The following USP13 variants were observed in gnomAD, a reference collection of about 807,000 sequenced individuals.
The protein encoded by USP13 is ubiquitin carboxyl-terminal hydrolase 13.
Under a neutral mutation model 107.8 loss-of-function variants are expected in USP13, and 68 were observed. The ratio of observed to expected loss-of-function variants is 0.63; its 90% confidence interval spans 0.52 to 0.77. USP13 has a LOEUF of 0.77. Ranked by LOEUF, USP13 falls within the 30% of genes least tolerant of loss-of-function variation. The pLI is 0.00. For synonymous variants in USP13, 377 were observed against 389.5 expected (o/e 0.97, Z 0.38); for missense variants, 945 against 1,093.3 (o/e 0.86, Z 1.91).
chr3:179,760,282 G>GGTT (rs1412446401), intron 16 of USP13, among the ~76,000 whole-genome samples: 1 of 123,468 alleles, frequency 8.1e-6, no homozygotes, highest in African/African-American at 3.1e-5. Context: ...GTCTCTTAAT[G>GGTT]TTTTTTTTTT....
At position 179,721,706 on chromosome 3, in the gene USP13, T is replaced by C; in HGVS notation, c.1088+117T>C. ...ATTGCTTCAGGACATTTTGCCACCT[T>C]TTCTCTGGCCTGCCTTCTACAGAGA... On this transcript the variant is annotated intron_variant, in intron 8 of 20. Coordinates refer to ENST00000263966, the MANE Select transcript of USP13 (RefSeq NM_003940.3). The surrounding 1 kb of genome is among the most constrained non-coding windows in gnomAD (Gnocchi z 4.3). The C allele has an allele frequency of 8.9e-7, 1 of 1,121,278 alleles. No individual in the cohort carries two copies. The highest frequency in any genetic ancestry group is 2.6e-5 in the East Asian group (1 of 38,748). 69.5% of individuals were successfully genotyped at this position (1,121,278 alleles called of 1,614,324 possible). A position where few individuals can be genotyped will look rare whatever the true frequency, so the allele number is the denominator to read the frequency against.
chr3:179,657,820 C>CAA (rs1720322294), intron 1 of USP13, among the ~76,000 whole-genome samples: 1 of 150,362 alleles, frequency 6.7e-6, no homozygotes, highest in Non-Finnish European at 1.5e-5. Context: ...GTTGTAAGCC[C>CAA]AAGAGTCTGG....
intron 6 of USP13, among the ~76,000 whole-genome samples, chr3:179,716,568 C>T (rs925814779): frequency 1.3e-5 from 2 of 152,084 alleles, no homozygotes; most frequent in East Asian, 1.9e-4. Context: ...AAGGATGACC[C>T]GCGCCAGGCA....
chr3:179,698,871 A>AT (rs397688832), intron 3 of USP13, among the ~76,000 whole-genome samples: 98,011 of 144,470 alleles, frequency 0.68, 33,545 homozygotes, highest in Non-Finnish European at 0.73. Flanking sequence ...GTTGAATACT[A>AT]TTTTTTTTTT....
chr3:179,707,182 A>C (rs370651965), intron 5 of USP13, 106 bp downstream of exon 5: 1 of 1,359,836 alleles, frequency 7.4e-7, no homozygotes. Flanking sequence ...TTCTTACCAG[A>C]TGCCTTTTAT....
At chr3:179,761,359 A>G (rs1715005927) in intron 17 of USP13, 104 bp downstream of exon 17, 1 of 1,424,074 alleles carries the variant, frequency 7.0e-7, no homozygotes, top group Admixed American at 2.3e-5. Context: ...CTAGAAAATG[A>G]CTTTATAGTT....
chr3:179,726,207 A>G (rs1713510738), intron 8 of USP13, among the ~76,000 whole-genome samples: 2 of 152,210 alleles, frequency 1.3e-5, no homozygotes, highest in South Asian at 4.1e-4. Flanking sequence ...GTGAGGCAGC[A>G]TCCCAGGAAA....
At chr3:179,774,302 G>A (rs956209505) in intron 19 of USP13, among the ~76,000 whole-genome samples, 4 of 152,198 alleles carry the variant, frequency 2.6e-5, no homozygotes, top group Non-Finnish European at 1.5e-5. Context: ...TCCGGAATTG[G>A]TGGGTTCTTG....
intron 6 of USP13, among the ~76,000 whole-genome samples, chr3:179,709,500 G>T (rs1435172736): frequency 6.6e-6 from 1 of 152,206 alleles, no homozygotes; most frequent in East Asian, 1.9e-4. Flanking sequence ...TTCTCCGGGG[G>T]ATTAGAATTG....
At chr3:179,657,035 A>G (rs1478694695) in intron 1 of USP13, among the ~76,000 whole-genome samples, 1 of 152,228 alleles carries the variant, frequency 6.6e-6, no homozygotes, top group Non-Finnish European at 1.5e-5. Flanking sequence ...CGTGAAGGAG[A>G]GAGCCCAGAC....
Position 179,784,214 on chromosome 3 carries a change from GA to G in USP13, c.*75del. Reference sequence around the variant, plus strand: ...TTGCCAAAAAAAAAAAGAAGAAGAAGAAGTTGAAACAACTAGACATGAAGGA... The same window carrying G: ...TTGCCAAAAAAAAAAAGAAGAAGAAGAGTTGAAACAACTAGACATGAAGGA... On this transcript the variant is annotated 3_prime_UTR_variant, in exon 21 of 21. Transcript: ENST00000263966. 1 of 1,249,816 alleles carries G rather than the reference GA, an allele frequency of 8.0e-7. No homozygotes were observed. The highest frequency in any genetic ancestry group is 1.1e-6 in the Non-Finnish European group (1 of 878,370). 77.4% of individuals were successfully genotyped at this position (1,249,816 alleles called of 1,614,324 possible).
Position 179,678,924 on chromosome 3 carries a change from G to A in USP13, c.169-2954G>A, listed in dbSNP as rs115819046. ...TAGAATTTTCAATATGGCCTGTACT[G>A]TCATTAGGAAATAGAGACCACTTTA... On this transcript the variant is annotated intron_variant, in intron 1 of 20. Coordinates refer to ENST00000263966, the MANE Select transcript of USP13 (RefSeq NM_003940.3). The surrounding 1 kb of genome is among the most constrained non-coding windows in gnomAD (Gnocchi z 4.2). 5.2e-3 allele frequency among the ~76,000 whole-genome samples: 787 copies of A among 152,164 alleles called. 3 individuals carry two copies. Among genetic ancestry groups the A allele is most frequent in the Non-Finnish European group, 8.1e-3 (551 of 68,008 alleles).
At chr3:179,740,141 T>C in intron 10 of USP13, 106 bp from the exon 11 acceptor site, 1 of 1,503,902 alleles carries the variant, frequency 6.6e-7, no homozygotes, top group Non-Finnish European at 9.0e-7. Context: ...GGCTGTAGTT[T>C]TCTCATCTGG....
intron 19 of USP13, among the ~76,000 whole-genome samples, chr3:179,774,491 G>C (rs1400714439): frequency 6.6e-6 from 1 of 151,056 alleles, no homozygotes; most frequent in East Asian, 1.9e-4. Context: ...CACGGCAAGT[G>C]CTACAGCTCT....
chr3:179,711,020 T>C (rs980653085), intron 6 of USP13, among the ~76,000 whole-genome samples: 1 of 152,204 alleles, frequency 6.6e-6, no homozygotes, highest in South Asian at 2.1e-4. Flanking sequence ...CCTCGGACTT[T>C]AGTGTTCACT....
At chr3:179,752,143 T>C (rs1714634749) in intron 13 of USP13, 142 bp from the exon 14 acceptor site, 1 of 674,164 alleles carries the variant, frequency 1.5e-6, no homozygotes, top group African/African-American at 1.8e-5. Flanking sequence ...TCCACTTACA[T>C]GTCTGTGTTT....
At chr3:179,758,990 C>CT (rs1210246962) in intron 16 of USP13, among the ~76,000 whole-genome samples, 6 of 149,474 alleles carry the variant, frequency 4.0e-5, no homozygotes, top group East Asian at 4.0e-4. Flanking sequence ...TTACACATTT[C>CT]TTTTTTTTTG....
intron 20 of USP13, among the ~76,000 whole-genome samples, chr3:179,783,797 G>A (rs1715826753): frequency 1.3e-5 from 2 of 151,356 alleles, no homozygotes; most frequent in East Asian, 1.9e-4. Flanking sequence ...GAGCCCAGGA[G>A]TTCGAAGCTT....
At chr3:179,760,850 T>A (rs561603409) in intron 16 of USP13, among the ~76,000 whole-genome samples, 2 of 152,190 alleles carry the variant, frequency 1.3e-5, no homozygotes, top group Non-Finnish European at 2.9e-5. Flanking sequence ...TCTCCCCATA[T>A]GAAATTAGAG....
Sources: allele counts gnomAD v4.1 joint callset (sites outside exome capture counted in the v4.1 genomes callset), GRCh38; gene constraint gnomAD v4.1.1; non-coding constraint Gnocchi (gnomAD v3.1); transcripts MANE v1.5; gene names NCBI Gene and HGNC (gene_info 2026-07-23, HGNC 2026-07-21).